Variants in FBXL17 observed in about 807,000 individuals in gnomAD.
The protein encoded by FBXL17 is F-box and leucine rich repeat protein 17.
FBXL17 carries 22 observed loss-of-function variants against 66.2 expected under a neutral mutation model. That is an observed-to-expected ratio of 0.33 (90% CI 0.24 to 0.47). FBXL17 has a LOEUF of 0.47. Ranked by LOEUF, FBXL17 falls within the 20% of genes least tolerant of loss-of-function variation. The pLI is 1.00. For missense variants in FBXL17, 878 were observed against 948.2 expected, an observed-to-expected ratio of 0.93 and a Z score of 0.97; for synonymous variants, 474 against 400.5, an observed-to-expected ratio of 1.18 and a Z score of -2.19.
At chr5:108,032,236 CA>C (rs759312299) in intron 6 of FBXL17, among the ~76,000 whole-genome samples, 35 of 152,014 alleles carry the variant, frequency 2.3e-4, no homozygotes, top group Non-Finnish European at 4.7e-4. Flanking sequence ...AAATCAAGTC[CA>C]TTTTTTTTTA....
intron 4 of FBXL17, among the ~76,000 whole-genome samples, chr5:108,342,514 A>G (rs1473239274): frequency 4.6e-5 from 7 of 152,182 alleles, no homozygotes; most frequent in African/African-American, 1.7e-4. Context: ...GCACTGGTCC[A>G]TAAGTGTTTT....
chr5:108,262,299 G>C (rs1393544909), intron 4 of FBXL17, among the ~76,000 whole-genome samples: 1 of 151,372 alleles, frequency 6.6e-6, no homozygotes, highest in Admixed American at 6.6e-5. Flanking sequence ...GGATGGTCTC[G>C]ATCTCCTGAC....
intron 4 of FBXL17, among the ~76,000 whole-genome samples, chr5:108,277,685 G>T (rs894909372): frequency 6.6e-6 from 1 of 152,136 alleles, no homozygotes; most frequent in African/African-American, 2.4e-5. Context: ...GCAAATGGGG[G>T]TTTAAGTCAT....
At chr5:107,991,099 A>G (rs2112692449) in intron 7 of FBXL17, among the ~76,000 whole-genome samples, 2 of 152,342 alleles carry the variant, frequency 1.3e-5, no homozygotes, top group Non-Finnish European at 2.9e-5. Context: ...CTGTAGGGGT[A>G]ATGTCAAAAT....
chr5:107,941,283 T>C (rs1751085649), intron 7 of FBXL17, among the ~76,000 whole-genome samples: 1 of 152,128 alleles, frequency 6.6e-6, no homozygotes, highest in Admixed American at 6.6e-5. Context: ...AATCAACCAC[T>C]CATCTTAAAA....
chr5:108,090,764 C>T (rs1281507668), intron 6 of FBXL17, among the ~76,000 whole-genome samples: 2 of 152,066 alleles, frequency 1.3e-5, no homozygotes, highest in Non-Finnish European at 2.9e-5. Context: ...AGGCGTTGGC[C>T]AGATTTGGCC....
intron 8 of FBXL17, among the ~76,000 whole-genome samples, chr5:107,877,810 G>A (rs537916271): frequency 3.6e-4 from 55 of 152,136 alleles, no homozygotes; most frequent in South Asian, 6.3e-4. Flanking sequence ...ATTTGGTTAA[G>A]GTAGGGAGAA....
Position 108,193,619 on chromosome 5 carries a change from C to A in FBXL17, c.1615-7372G>T, listed in dbSNP as rs547656630. Among the ~76,000 whole-genome samples, 319 of 152,204 alleles carry A rather than the reference C, an allele frequency of 2.1e-3. 2 individuals carry two copies. The highest frequency in any genetic ancestry group is 6.8e-3 in the Middle Eastern group (2 of 292). ...TAGGGTATTAAAATGTAATAAAAAT[C>A]TAAATAAGCCACATTCATTTTGGAC... On this transcript the variant is annotated intron_variant, in intron 5 of 8. Coordinates refer to ENST00000542267, the MANE Select transcript of FBXL17 (RefSeq NM_001163315.3).
rs563835141 is a variant in FBXL17, at chr5:108,099,273, A to G, written c.1746-78272T>C. 9.8e-5 allele frequency among the ~76,000 whole-genome samples: 15 copies of G among 152,356 alleles called. No homozygotes were observed. The Middle Eastern group carries it at 0.01, about 104-fold the overall frequency. On this transcript the variant is annotated intron_variant, in intron 6 of 8. Coordinates refer to ENST00000542267, the MANE Select transcript of FBXL17 (RefSeq NM_001163315.3). ...GCTGATAATGTGATACTGGGTACAT[A>G]GAACATTGTAGGGGGGCAGTATTTT... is the stretch of plus-strand genomic sequence containing the variant.
intron 5 of FBXL17, among the ~76,000 whole-genome samples, chr5:108,218,530 T>C (rs1044757577): frequency 6.6e-6 from 1 of 152,184 alleles, no homozygotes; most frequent in African/African-American, 2.4e-5. Flanking sequence ...GCTATACTAA[T>C]TTACATTTCT....
Position 107,973,312 on chromosome 5 carries a change from A to G in FBXL17, c.1822+47613T>C, listed in dbSNP as rs571908280. Among the ~76,000 whole-genome samples, 3 of 151,834 alleles carry G rather than the reference A, an allele frequency of 2.0e-5. No individual in the cohort carries two copies. In the South Asian group the frequency reaches 6.3e-4, roughly 32 times the overall value. On this transcript the variant is annotated intron_variant, in intron 7 of 8. Coordinates refer to ENST00000542267, the MANE Select transcript of FBXL17 (RefSeq NM_001163315.3). ...ATGGCTTTGAATGTGACCTATATAC[A>G]AATTCATAAGCTCTCTTAATTAAAC...
chr5:108,348,557 G>T (rs779384844), intron 3 of FBXL17, 27 bp from the exon 4 acceptor site: 3 of 1,586,526 alleles, frequency 1.9e-6, no homozygotes, highest in South Asian at 2.3e-5. Context: ...TTAGCTGAAT[G>T]CTCAAAAAAT....
chr5:108,349,893 C>T (rs1747533261), intron 3 of FBXL17, among the ~76,000 whole-genome samples: 1 of 152,072 alleles, frequency 6.6e-6, no homozygotes, highest in African/African-American at 2.4e-5. Context: ...GAACTTTAGC[C>T]TTTCCTTACC....
At position 108,082,730 on chromosome 5, in the gene FBXL17, T is replaced by C. The variant is rs999457363; in HGVS notation, c.1746-61729A>G. On this transcript the variant is annotated intron_variant, in intron 6 of 8. Transcript: ENST00000542267. ...AATAATAATAGTAATAATCAAAAAATTATAACATTATTGTTTTGTTTCCAG... is the reference window on the plus strand; with the variant it reads ...AATAATAATAGTAATAATCAAAAAACTATAACATTATTGTTTTGTTTCCAG... 2.0e-5 allele frequency among the ~76,000 whole-genome samples: 3 copies of C among 152,186 alleles called. No homozygotes were observed. The South Asian group carries it at 6.2e-4, about 31-fold the overall frequency.
At chr5:108,045,875 C>T (rs955538716) in intron 6 of FBXL17, among the ~76,000 whole-genome samples, 8 of 151,904 alleles carry the variant, frequency 5.3e-5, no homozygotes, top group Admixed American at 2.0e-4. Context: ...TTTTATGGCT[C>T]GGGATATAGT....
chr5:108,161,738 T>C lies in FBXL17; in HGVS notation c.1745+24379A>G, dbSNP rs1234611551. 3.3e-5 allele frequency among the ~76,000 whole-genome samples: 5 copies of C among 152,348 alleles called. No individual in the cohort carries two copies. The East Asian group carries it at 7.7e-4, about 24-fold the overall frequency. On this transcript the variant is annotated intron_variant, in intron 6 of 8. Coordinates refer to ENST00000542267, the MANE Select transcript of FBXL17 (RefSeq NM_001163315.3). ...GAAATTTGGTTGCAATAGGAATTTTTAGTTAAATACTATATCCCTGTTAGT... is the reference window on the plus strand; with the variant it reads ...GAAATTTGGTTGCAATAGGAATTTTCAGTTAAATACTATATCCCTGTTAGT...
intron 4 of FBXL17, among the ~76,000 whole-genome samples, chr5:108,303,525 G>A (rs1200405615): frequency 2.0e-5 from 3 of 151,880 alleles, no homozygotes; most frequent in East Asian, 1.9e-4. Flanking sequence ...AATTTAAAAG[G>A]GATGACTTTG....
chr5:107,898,800 C>T (rs1193030120), intron 7 of FBXL17, among the ~76,000 whole-genome samples: 1 of 152,128 alleles, frequency 6.6e-6, no homozygotes, highest in Non-Finnish European at 1.5e-5. Flanking sequence ...GACATGAACT[C>T]GTCCTTTTTT....
At chr5:108,353,294 A>C (rs6879616) in intron 3 of FBXL17, among the ~76,000 whole-genome samples, 7 of 152,174 alleles carry the variant, frequency 4.6e-5, no homozygotes, top group African/African-American at 1.7e-4. Flanking sequence ...AACTCACCAG[A>C]AGAGAAACTA....
Sources: gnomAD v4.1 joint callset for allele counts (sites outside exome capture counted in the v4.1 genomes callset) on GRCh38, gnomAD v4.1.1 for gene constraint, MANE v1.5 for transcripts, NCBI Gene and HGNC (gene_info 2026-07-23, HGNC 2026-07-21) for gene names.